AFF2: variants seen among roughly 807,000 people sequenced by gnomAD.
AFF2 encodes AF4/FMR2 family member 2.
Under a neutral mutation model 76.9 loss-of-function variants are expected in AFF2, and 14 were observed. The observed-to-expected ratio is 0.18, with a 90% CI of 0.12 to 0.28. The LOEUF (loss-of-function observed/expected upper bound fraction) is 0.28. Among genes scored for constraint, AFF2 ranks in the 10% least tolerant of loss-of-function variants. The pLI is 1.00. For missense variants in AFF2, 868 were observed against 1,001.1 expected (o/e 0.87, Z 1.79); for synonymous variants, 398 against 366.7 (o/e 1.09, Z -0.98).
At chrX:148,793,074 A>C (rs2069920270) in intron 3 of AFF2, among the ~76,000 whole-genome samples, 2 of 111,856 alleles carry the variant, frequency 1.8e-5, no homozygotes, top group African/African-American at 6.5e-5. Context: ...CCAAATTGCT[A>C]GCATTATATT....
chrX:148,551,903 G>C (rs905564112), intron 1 of AFF2, among the ~76,000 whole-genome samples: 7 of 112,576 alleles, frequency 6.2e-5, no homozygotes, highest in Non-Finnish European at 1.3e-4. Flanking sequence ...AGGGGCTGGA[G>C]ACTGAGTAAC....
chrX:148,798,353 C>T (rs1448880441), intron 3 of AFF2, among the ~76,000 whole-genome samples: 1 of 112,220 alleles, frequency 8.9e-6, no homozygotes, highest in Non-Finnish European at 1.9e-5. Flanking sequence ...TTCAACATGA[C>T]GTTTTGAAAG....
At position 148,500,921 on chromosome X, in the gene AFF2, A is replaced by G. The variant is rs1557231698; in HGVS notation, c.-177A>G. 51 of 518,125 alleles carry G rather than the reference A, an allele frequency of 9.8e-5. 1 individual carries two copies. In the South Asian group the frequency reaches 1.4e-3, roughly 15 times the overall value. 42.7% of individuals were successfully genotyped at this position (518,125 alleles called of 1,213,427 possible). A position where few individuals can be genotyped will look rare whatever the true frequency, so the allele number is the denominator to read the frequency against. On this transcript the variant is annotated 5_prime_UTR_variant, in exon 1 of 21. Transcript: ENST00000370460. ...TGCCGCCGCTTCCTCGCCGGAGCAC[A>G]GGACCAGACACCTCCAGCGCCCGCT...
At chrX:148,679,034 G>A (rs1224263375) in intron 3 of AFF2, among the ~76,000 whole-genome samples, 1 of 109,774 alleles carries the variant, frequency 9.1e-6, no homozygotes, top group Non-Finnish European at 1.9e-5. Flanking sequence ...ACATAACACC[G>A]CTGTATAATA....
At chrX:148,797,933 C>T (rs1557270652) in intron 3 of AFF2, among the ~76,000 whole-genome samples, 2 of 112,126 alleles carry the variant, frequency 1.8e-5, no homozygotes, top group Admixed American at 1.9e-4. Context: ...TTTAGATATG[C>T]AGGTCTTGTC....
intron 4 of AFF2, among the ~76,000 whole-genome samples, chrX:148,811,111 A>T (rs2070196938): frequency 9.0e-6 from 1 of 111,587 alleles, no homozygotes; most frequent in African/African-American, 3.3e-5. Context: ...TTGATCAACG[A>T]TGAGACTATA....
chrX:148,824,864 C>T (rs1287481990), intron 4 of AFF2, among the ~76,000 whole-genome samples: 1 of 110,928 alleles, frequency 9.0e-6, no homozygotes, highest in Admixed American at 9.6e-5. Flanking sequence ...AAAGGAGACC[C>T]ACATGTCTAT....
intron 3 of AFF2, among the ~76,000 whole-genome samples, chrX:148,778,377 AG>A (rs1375982820): frequency 8.9e-6 from 1 of 111,814 alleles, no homozygotes; most frequent in Non-Finnish European, 1.9e-5. Context: ...AGAATGAGTT[AG>A]GGAGGAGTCC....
intron 1 of AFF2, among the ~76,000 whole-genome samples, chrX:148,531,164 G>A (rs1355582667): frequency 2.7e-5 from 3 of 111,832 alleles, no homozygotes; most frequent in African/African-American, 6.5e-5. Context: ...ATGAGGTAGA[G>A]GCAAACACAA....
chrX:148,753,003 A>G lies in AFF2; in HGVS notation c.1042-56873A>G, dbSNP rs146789237. 9.6e-3 allele frequency among the ~76,000 whole-genome samples: 1,063 copies of G among 111,265 alleles called. 15 individuals carry two copies. The highest frequency in any genetic ancestry group is 0.034 in the African/African-American group (1,032 of 30,633). ...TATTCCTCCCTTCCCAGGACACATC[A>G]TGCCCCTTTGCATAAATATGGAGGG... On this transcript the variant is annotated intron_variant, in intron 3 of 20. Transcript: ENST00000370460.
chrX:148,668,365 G>A (rs934097100), intron 3 of AFF2, among the ~76,000 whole-genome samples: 1 of 112,620 alleles, frequency 8.9e-6, no homozygotes, highest in Non-Finnish European at 1.9e-5. Context: ...GAGGTTGGTG[G>A]CCTTCTTCTC....
chrX:148,639,501 T>G (rs1557254356), intron 1 of AFF2, among the ~76,000 whole-genome samples: 1 of 111,959 alleles, frequency 8.9e-6, no homozygotes, highest in Non-Finnish European at 1.9e-5. Flanking sequence ...GACAAGCAAT[T>G]GGTGCACACA....
chrX:148,966,673 C>G, intron 13 of AFF2, 117 bp from the exon 14 acceptor site: 1 of 1,022,150 alleles, frequency 9.8e-7, no homozygotes, highest in Non-Finnish European at 1.3e-6. Flanking sequence ...GCATTGTTTT[C>G]TTTCTTTTTT....
At chrX:148,716,361 A>G (rs1436886431) in intron 3 of AFF2, among the ~76,000 whole-genome samples, 1 of 111,844 alleles carries the variant, frequency 8.9e-6, no homozygotes, top group East Asian at 2.8e-4. Flanking sequence ...AAGAATCAAA[A>G]GAGAGAACGT....
At chrX:148,971,747 C>CTTTTTTTTTTTTTTTTT (rs781928514) in intron 15 of AFF2, among the ~76,000 whole-genome samples, 8 of 44,731 alleles carry the variant, frequency 1.8e-4, no homozygotes, top group Admixed American at 6.6e-4. Flanking sequence ...TTTTCTATTT[C>CTTTTTTTTTTTTTTTTT]TTTTTTTTTT....
intron 1 of AFF2, among the ~76,000 whole-genome samples, chrX:148,554,364 A>G (rs914735347): frequency 9.5e-4 from 106 of 111,376 alleles, no homozygotes; most frequent in African/African-American, 2.8e-3. Flanking sequence ...AACAATATTT[A>G]TTATCATGGG....
At position 148,755,397 on chromosome X, in the gene AFF2, C is replaced by T. The variant is rs368035768; in HGVS notation, c.1042-54479C>T. Among the ~76,000 whole-genome samples, 8 of 111,660 alleles carry T rather than the reference C, an allele frequency of 7.2e-5. No individual in the cohort carries two copies. The East Asian group carries it at 1.1e-3, about 16-fold the overall frequency. ...GAGTCATGTTGTATTTGCTCCTCAG[C>T]GAAATAGCAAAGCAGTCCCTGTTCA... On this transcript the variant is annotated intron_variant, in intron 3 of 20. Coordinates refer to ENST00000370460, the MANE Select transcript of AFF2 (RefSeq NM_002025.4).
rs1286942859 is a variant in AFF2 at position 148,762,478 on chromosome X, A to ATGTGTG, written c.1042-47397_1042-47396insGTGTGT. ...ATATATATTATGTGTGTACATATGT[A>ATGTGTG]TATGTGTGTGTGTGTGTGTGTGTGT... On this transcript the variant is annotated intron_variant, in intron 3 of 20. Coordinates refer to ENST00000370460, the MANE Select transcript of AFF2 (RefSeq NM_002025.4). Among the ~76,000 whole-genome samples, 24 of 25,842 alleles carry ATGTGTG rather than the reference A, an allele frequency of 9.3e-4. No individual in the cohort carries two copies. In the South Asian group the frequency reaches 0.089, roughly 95 times the overall value. The allele number at this position is 25,842 out of a possible 115,157, so 22.4% of individuals were successfully genotyped here.
chrX:148,659,043 G>A (rs2054279913), intron 2 of AFF2, among the ~76,000 whole-genome samples: 1 of 111,939 alleles, frequency 8.9e-6, no homozygotes. Flanking sequence ...TATCATAAGT[G>A]TAGTATACAC....
Sources: allele counts gnomAD v4.1 joint callset (sites outside exome capture counted in the v4.1 genomes callset), GRCh38; gene constraint gnomAD v4.1.1; transcripts MANE v1.5; gene names NCBI Gene and HGNC (gene_info 2026-07-23, HGNC 2026-07-21).